Variants in MYO5C observed in about 807,000 individuals in gnomAD.
MYO5C encodes unconventional myosin-Vc.
A neutral mutation model predicts 235.7 loss-of-function variants in MYO5C; 194 were observed. The ratio of observed to expected loss-of-function variants is 0.82; its 90% confidence interval spans 0.73 to 0.93. The LOEUF is 0.93. MYO5C is among the 40% of genes least tolerant of loss of function. The pLI is 0.00. For missense variants in MYO5C, 2,038 were observed against 2,127.2 expected (o/e 0.96, Z 0.82); for synonymous variants, 707 against 754.8 (o/e 0.94, Z 1.04).
At chr15:52,220,503 C>T (rs928717965) in intron 30 of MYO5C, among the ~76,000 whole-genome samples, 1 of 152,116 alleles carries the variant, frequency 6.6e-6, no homozygotes, top group Non-Finnish European at 1.5e-5. Flanking sequence ...CAGGCGCATA[C>T]TGCCAAGCCT....
intron 8 of MYO5C, among the ~76,000 whole-genome samples, chr15:52,269,386 A>ATTTTT (rs71130145): frequency 9.6e-6 from 1 of 103,978 alleles, no homozygotes; most frequent in African/African-American, 3.6e-5. Flanking sequence ...CCACCTTTTA[A>ATTTTT]TTTTTTTTTT....
At chr15:52,211,615 G>A in intron 35 of MYO5C, 115 bp downstream of exon 35, 5 of 1,190,156 alleles carry the variant, frequency 4.2e-6, no homozygotes, top group Non-Finnish European at 6.0e-6. Context: ...CCTCAAACTT[G>A]TTTGAGGAAT....
chr15:52,276,167 T>C (rs1473512708), intron 4 of MYO5C, among the ~76,000 whole-genome samples: 2 of 152,126 alleles, frequency 1.3e-5, no homozygotes, highest in South Asian at 2.1e-4. Flanking sequence ...TTGAGTACCA[T>C]GTTGAGGGGC....
rs1008210324 is a variant in MYO5C, at chr15:52,221,394, A to G, written c.3628-139T>C. 9 of 597,922 alleles carry G rather than the reference A, an allele frequency of 1.5e-5. No individual in the cohort carries two copies. In the African/African-American group the frequency reaches 1.7e-4, roughly 11 times the overall value. 37.0% of individuals were successfully genotyped at this position (597,922 alleles called of 1,614,324 possible). ...GTAAAAGAGCTAGCCACGACATTAG[A>G]CTGGATTAACATTTTTTTTTAACCT... On this transcript the variant is annotated intron_variant, in intron 29 of 40. Coordinates refer to ENST00000261839, the MANE Select transcript of MYO5C (RefSeq NM_018728.4).
chr15:52,250,539 C>T (rs1004169339), intron 13 of MYO5C, among the ~76,000 whole-genome samples: 15 of 152,124 alleles, frequency 9.9e-5, no homozygotes, highest in East Asian at 3.9e-4. Flanking sequence ...CCACTGCACC[C>T]GGCCAATCCT....
At chr15:52,275,162 T>G (rs1361536908) in intron 5 of MYO5C, among the ~76,000 whole-genome samples, 1 of 152,264 alleles carries the variant, frequency 6.6e-6, no homozygotes, top group African/African-American at 2.4e-5. Context: ...CTCCCCTGAC[T>G]GATGTCAAAC....
intron 23 of MYO5C, among the ~76,000 whole-genome samples, chr15:52,234,048 G>T (rs1293966093): frequency 6.6e-6 from 1 of 152,198 alleles, no homozygotes; most frequent in Non-Finnish European, 1.5e-5. Context: ...CTTTAATTTA[G>T]AAGCCAACAC....
rs1331585403 is a variant in MYO5C at position 52,218,677 on chromosome 15, C to T, written c.3796G>A (p.Ala1266Thr). The change falls in exon 32 of 41, where the codon GCC becomes ACC. Residue 1266 changes from alanine to threonine, a missense_variant. Ala to Thr is a moderately conservative substitution (Grantham distance 58). Coordinates refer to ENST00000261839, the MANE Select transcript of MYO5C (RefSeq NM_018728.4). ...EEGTQRKALE[A>T]QNEIHTKEKE... Reference sequence around the variant, plus strand: ...TCTTTGGTATGTATTTCATTTTGGGCTTCCAAGGCCCTGAGAAAGGGAGGG... The same window carrying T: ...TCTTTGGTATGTATTTCATTTTGGGTTTCCAAGGCCCTGAGAAAGGGAGGG... The T allele has an allele frequency of 2.5e-6, 4 of 1,613,998 alleles. No individual in the cohort carries two copies. Among genetic ancestry groups the T allele is most frequent in the Admixed American group, 1.7e-5 (1 of 60,000 alleles).
At chr15:52,287,573 C>A (rs1426865297) in intron 1 of MYO5C, among the ~76,000 whole-genome samples, 1 of 152,112 alleles carries the variant, frequency 6.6e-6, no homozygotes, top group Non-Finnish European at 1.5e-5. Context: ...AAGAATTGTA[C>A]ATGAATTACC....
At chr15:52,210,559 T>G (rs571816320) in intron 35 of MYO5C, among the ~76,000 whole-genome samples, 17 of 152,260 alleles carry the variant, frequency 1.1e-4, no homozygotes, top group African/African-American at 4.1e-4. Flanking sequence ...TTGTACTAAC[T>G]CCACTGTGGC....
At chr15:52,218,427 G>C (rs2035601652) in intron 32 of MYO5C, 92 bp downstream of exon 32, 1 of 1,231,424 alleles carries the variant, frequency 8.1e-7, no homozygotes, top group Non-Finnish European at 1.2e-6. Context: ...TTGGTCTATA[G>C]ATGTTAATCA....
chr15:52,246,774 A>G (rs1431273570), intron 16 of MYO5C, 143 bp downstream of exon 16: 8 of 586,574 alleles, frequency 1.4e-5, no homozygotes, highest in Non-Finnish European at 1.8e-5. Flanking sequence ...CTAACATTTT[A>G]TGTAAAGGGC....
At chr15:52,261,974 C>T (rs983068384) in intron 9 of MYO5C, among the ~76,000 whole-genome samples, 19 of 152,334 alleles carry the variant, frequency 1.2e-4, no homozygotes, top group Middle Eastern at 6.8e-3. Flanking sequence ...CCCCTCCCTG[C>T]GCTCTACCCA....
chr15:52,196,799 G>A (rs1284051446), intron 38 of MYO5C, among the ~76,000 whole-genome samples: 7 of 152,210 alleles, frequency 4.6e-5, no homozygotes, highest in Non-Finnish European at 1.0e-4. Context: ...TATCTGAAGA[G>A]AAGACTTCCA....
chr15:52,271,169 C>G (rs1188092789), intron 7 of MYO5C, among the ~76,000 whole-genome samples: 1 of 151,814 alleles, frequency 6.6e-6, no homozygotes, highest in Non-Finnish European at 1.5e-5. Flanking sequence ...ATCATATGTT[C>G]CAGCTGTCAG....
Position 52,248,763 on chromosome 15 carries a change from A to T in MYO5C, c.1683T>A (p.Gly561=), listed in dbSNP as rs751761044. ...CGGTGTCTCTGTTTTTCTCCAGGAA[A>T]CCTTCACATTTATACTCTACCTATA... ...FADKVEYKCE[G]FLEKNRDTVY... is the part of the protein sequence containing the mutation. Residue 561 remains glycine, a synonymous_variant, in exon 14 of 41, where the codon GGT becomes GGA. Coordinates refer to ENST00000261839, the MANE Select transcript of MYO5C (RefSeq NM_018728.4). The T allele has an allele frequency of 1.9e-6, 3 of 1,613,928 alleles. No individual in the cohort carries two copies. Among genetic ancestry groups the T allele is most frequent in the Non-Finnish European group, 2.5e-6 (3 of 1,179,834 alleles).
At chr15:52,232,720 C>T in intron 23 of MYO5C, 35 bp from the exon 24 acceptor site, 2 of 1,546,436 alleles carry the variant, frequency 1.3e-6, no homozygotes, top group Non-Finnish European at 1.8e-6. Flanking sequence ...GATATGTCTG[C>T]CAAATCAATG....
In MYO5C at chr15:52,229,377, C is replaced by A. The variant is rs567063459; in HGVS notation, c.3027-64G>T. The A allele has an allele frequency of 3.8e-5, 58 of 1,521,918 alleles. No individual in the cohort carries two copies. In the South Asian group the frequency reaches 5.4e-4, roughly 14 times the overall value. 94.3% of individuals were successfully genotyped at this position (1,521,918 alleles called of 1,614,324 possible). On this transcript the variant is annotated intron_variant, in intron 24 of 40. Transcript: ENST00000261839. ...TGGTGGCTGAAACCTGTAATCCCAG[C>A]ACTTTGGGAGGCCAAGGCAGGCGGA...
intron 1 of MYO5C, among the ~76,000 whole-genome samples, chr15:52,292,021 G>C (rs142158145): frequency 6.6e-6 from 1 of 152,052 alleles, no homozygotes; most frequent in Non-Finnish European, 1.5e-5. Flanking sequence ...TTACAGGCGT[G>C]AGCCACCGCA....
Sources: allele counts gnomAD v4.1 joint callset (sites outside exome capture counted in the v4.1 genomes callset), GRCh38; gene constraint gnomAD v4.1.1; transcripts MANE v1.5; gene names NCBI Gene and HGNC (gene_info 2026-07-23, HGNC 2026-07-21).